The following ABCC2 variants were observed in gnomAD, a reference collection of about 807,000 sequenced individuals.
The protein encoded by ABCC2 is ATP binding cassette subfamily C member 2, also known as ATP-binding cassette sub-family C member 2.
A neutral mutation model predicts 173.4 loss-of-function variants in ABCC2; 157 were observed. The ratio of observed to expected loss-of-function variants is 0.91; its 90% CI spans 0.80 to 1.03. The LOEUF (loss-of-function observed/expected upper bound fraction) is 1.03. ABCC2 is among the 50% of genes least tolerant of loss of function. The pLI is 0.00. For synonymous variants in ABCC2, 657 were observed against 693.5 expected, an observed-to-expected ratio of 0.95 and a Z score of 0.83; for missense variants, 1,822 against 1,852.3, an observed-to-expected ratio of 0.98 and a Z score of 0.30.
At chr10:99,827,575 C>G (rs1380486966) in intron 19 of ABCC2, among the ~76,000 whole-genome samples, 2 of 151,990 alleles carry the variant, frequency 1.3e-5, no homozygotes, top group Non-Finnish European at 2.9e-5. Context: ...TCATTCCATA[C>G]TATAAGTGGA....
rs1460212341 is a variant in ABCC2, at chr10:99,817,325, C to T, written c.2112C>T (p.Val704=). 1.9e-6 allele frequency: 3 copies of T among 1,614,130 alleles called. No individual in the cohort carries two copies. The highest frequency in any genetic ancestry group is 2.5e-6 in the Non-Finnish European group (3 of 1,179,984). ...HITIKGTTAY[V]PQQSWIQNGT... ...TCATCTAGGGCACCACTGCCTATGT[C>T]CCACAGCAGTCCTGGATTCAGAATG... Residue 704 remains valine, a synonymous_variant, in exon 17 of 32, where the codon GTC becomes GTT. Coordinates refer to ENST00000647814, the MANE Select transcript of ABCC2 (RefSeq NM_000392.5).
chr10:99,807,540 C>T lies in ABCC2; in HGVS notation c.1668+19C>T. 1 of 1,613,988 alleles carries T rather than the reference C, an allele frequency of 6.2e-7. No individual in the cohort carries two copies. Among genetic ancestry groups the T allele is most frequent in the South Asian group, 1.1e-5 (1 of 91,068 alleles). On this transcript the variant is annotated intron_variant, in intron 12 of 31. Coordinates refer to ENST00000647814, the MANE Select transcript of ABCC2 (RefSeq NM_000392.5). Reference sequence around the variant, plus strand: ...AGTCCTGGTGAGTAGCAGAGGGGTCCATGGGCTGCGTATTCACCTGGACCT... The same window carrying T: ...AGTCCTGGTGAGTAGCAGAGGGGTCTATGGGCTGCGTATTCACCTGGACCT...
chr10:99,810,019 T>C, intron 13 of ABCC2, 115 bp from the exon 14 acceptor site: 1 of 918,238 alleles, frequency 1.1e-6, no homozygotes. Flanking sequence ...CGGTGGAGAT[T>C]AGGAGATGCC....
At chr10:99,821,918 G>A (rs976594718) in intron 19 of ABCC2, among the ~76,000 whole-genome samples, 13 of 151,962 alleles carry the variant, frequency 8.6e-5, no homozygotes, top group African/African-American at 3.1e-4. Context: ...CTACTGATGG[G>A]ACTGACAGTA....
chr10:99,844,271 G>A (rs368120357), intron 27 of ABCC2, 51 bp from the exon 28 acceptor site: 80 of 1,611,314 alleles, frequency 5.0e-5, no homozygotes, highest in Admixed American at 8.3e-5. Flanking sequence ...TGGACTGTTC[G>A]GCTGAGTTGC....
In ABCC2 at chr10:99,814,239, ATG is replaced by A. The variant is rs1404815979; in HGVS notation, c.2094+1096_2094+1097del. ...TGTATATATACACACATGTGTATATATGCACACACGTATGTATACACACGTAT... is the reference window on the plus strand; with the variant it reads ...TGTATATATACACACATGTGTATATACACACACGTATGTATACACACGTAT... On this transcript the variant is annotated intron_variant, in intron 16 of 31. Transcript: ENST00000647814. Among the ~76,000 whole-genome samples, 59 of 71,192 alleles carry A rather than the reference ATG, an allele frequency of 8.3e-4. 7 individuals carry two copies. The highest frequency in any genetic ancestry group is 1.7e-3 in the African/African-American group (28 of 16,226). The allele number at this position is 71,192 out of a possible 152,430, so 46.7% of individuals were successfully genotyped here. A position where few individuals can be genotyped will look rare whatever the true frequency, so the allele number is the denominator to read the frequency against.
Position 99,851,669 on chromosome 10 carries a change from A to T in ABCC2, c.*38A>T, listed in dbSNP as rs747729446. ...TGGGTTAGAAAAGGACTATAAGAAT[A>T]ATTTCTTATTTAATTTTATTTTTTA... On this transcript the variant is annotated 3_prime_UTR_variant, in exon 32 of 32. Coordinates refer to ENST00000647814, the MANE Select transcript of ABCC2 (RefSeq NM_000392.5). 1.9e-6 allele frequency: 3 copies of T among 1,562,146 alleles called. No individual in the cohort carries two copies. In the South Asian group the frequency reaches 3.5e-5, roughly 18 times the overall value.
chr10:99,823,435 GATC>G (rs2038574603), intron 19 of ABCC2, among the ~76,000 whole-genome samples: 1 of 152,002 alleles, frequency 6.6e-6, no homozygotes, highest in South Asian at 2.1e-4. Flanking sequence ...TGGTTTAACT[GATC>G]ATCCATGCTA....
In ABCC2 at chr10:99,830,715, G is replaced by T. The variant is rs781545154; in HGVS notation, c.2748-1G>T. 113 of 1,613,964 alleles carry T rather than the reference G, an allele frequency of 7.0e-5. No homozygotes were observed. Among genetic ancestry groups the T allele is most frequent in the Non-Finnish European group, 9.2e-5 (108 of 1,180,024 alleles). On this transcript the variant is annotated splice_acceptor_variant, in intron 20 of 31. Coordinates refer to ENST00000647814, the MANE Select transcript of ABCC2 (RefSeq NM_000392.5). LOFTEE classifies it high-confidence loss of function. ...TGCTCAGGGAAGCTTCCCTCTCTCA[G>T]TTCTAGGTCCAATGGCAGGCATCTG...
rs577733033 is a variant in ABCC2, at chr10:99,814,555, A to G, written c.2094+1411A>G. On this transcript the variant is annotated intron_variant, in intron 16 of 31. Coordinates refer to ENST00000647814, the MANE Select transcript of ABCC2 (RefSeq NM_000392.5). The stretch of plus-strand genomic sequence containing the variant: ...TACACATATACACACACATATGTGT[A>G]TATACACATATACACACACATATGT... 4.8e-4 allele frequency among the ~76,000 whole-genome samples: 63 copies of G among 130,670 alleles called. 10 individuals carry two copies. The highest frequency in any genetic ancestry group is 1.3e-3 in the African/African-American group (47 of 35,974). The allele number at this position is 130,670 out of a possible 152,430, so 85.7% of individuals were successfully genotyped here.
chr10:99,794,365 G>A (rs1191826922), intron 5 of ABCC2, 48 bp from the exon 6 acceptor site: 3 of 1,524,094 alleles, frequency 2.0e-6, no homozygotes, highest in East Asian at 4.5e-5. Context: ...GTCCCATGAA[G>A]TTCCTGTCTC....
intron 30 of ABCC2, among the ~76,000 whole-genome samples, chr10:99,849,439 A>C (rs1564703319): frequency 6.6e-6 from 1 of 152,182 alleles, no homozygotes; most frequent in Non-Finnish European, 1.5e-5. Context: ...AAAAACAAAA[A>C]TCATGCCATC....
chr10:99,848,569 G>A (rs2039049612), intron 30 of ABCC2, among the ~76,000 whole-genome samples: 1 of 152,194 alleles, frequency 6.6e-6, no homozygotes, highest in African/African-American at 2.4e-5. Context: ...CTTCACCTGG[G>A]AGCTTGTTAC....
Position 99,831,825 on chromosome 10 carries a change from C to A in ABCC2, c.3098C>A (p.Ala1033Asp). 1 of 1,614,070 alleles carries A rather than the reference C, an allele frequency of 6.2e-7. No individual in the cohort carries two copies. Among genetic ancestry groups the A allele is most frequent in the Non-Finnish European group, 8.5e-7 (1 of 1,179,956 alleles). ...RVGVYGALGL[A>D]QGIFVFIAHF... ...GGAGTCTACGGAGCTCTGGGATTAG[C>A]CCAAGGTATGTCTGATGGCTATGAC... is the stretch of plus-strand genomic sequence containing the variant. The change falls in exon 22 of 32, where the codon GCC becomes GAC. Residue 1033 changes from alanine (A) to aspartate (D), a missense_variant. Physicochemically the swap from Ala to Asp is moderately radical, Grantham distance 126 (BLOSUM62 -2). Coordinates refer to ENST00000647814, the MANE Select transcript of ABCC2 (RefSeq NM_000392.5).
chr10:99,807,480 C>G lies in ABCC2; in HGVS notation c.1627C>G (p.Gln543Glu). Residue 543 changes from glutamine to glutamate, a missense_variant, in exon 12 of 32, where the codon CAG becomes GAG. Transcript: ENST00000647814. ...LKNLLAFSQL[Q>E]CVVIFVFQLT... ...GAACCTGCTGGCCTTTAGTCAACTA[C>G]AGTGTGTAGTAATATTCGTCTTCCA... 6.2e-7 allele frequency: 1 copy of G among 1,614,122 alleles called. No homozygotes were observed. Among genetic ancestry groups the G allele is most frequent in the South Asian group, 1.1e-5 (1 of 91,084 alleles).
chr10:99,817,598 A>AT (rs1450136750), intron 17 of ABCC2, 114 bp downstream of exon 17: 1 of 1,160,394 alleles, frequency 8.6e-7, no homozygotes, highest in Non-Finnish European at 1.3e-6. Flanking sequence ...AGGTAGTCAT[A>AT]TTTGGAATAA....
intron 19 of ABCC2, among the ~76,000 whole-genome samples, chr10:99,826,175 G>A (rs374904661): frequency 1.3e-5 from 2 of 152,322 alleles, no homozygotes; most frequent in East Asian, 1.9e-4. Flanking sequence ...GACCACAATT[G>A]TAACATTTTC....
chr10:99,814,140 TACACACATGTATGTATAC>T (rs143516971), intron 16 of ABCC2, among the ~76,000 whole-genome samples: 15,552 of 70,454 alleles, frequency 0.22, 3,256 homozygotes, highest in South Asian at 0.3. Context: ...TGTGTATATA[TACACACATGTATGTATAC>T]ACACGTATAT....
At chr10:99,819,617 C>T (rs1214973151) in intron 19 of ABCC2, among the ~76,000 whole-genome samples, 2 of 152,198 alleles carry the variant, frequency 1.3e-5, no homozygotes, top group Non-Finnish European at 2.9e-5. Flanking sequence ...CCTATTGACT[C>T]TAGTCACACA....
Sources: allele counts gnomAD v4.1 joint callset (sites outside exome capture counted in the v4.1 genomes callset), GRCh38; gene constraint gnomAD v4.1.1; transcripts MANE v1.5; gene names NCBI Gene and HGNC (gene_info 2026-07-23, HGNC 2026-07-21).